Variants in VWF observed in about 807,000 individuals in gnomAD.
VWF encodes Factor VIII related antigen.
VWF carries 176 observed loss-of-function variants against 308.6 expected under a neutral mutation model. The observed-to-expected ratio is 0.57, with a 90% CI of 0.50 to 0.65. The LOEUF is 0.65. VWF is among the 30% of genes least tolerant of loss of function. The pLI is 0.00. For missense variants in VWF, 3,146 were observed against 3,648.2 expected (o/e 0.86, Z 3.55); for synonymous variants, 1,385 against 1,443.4 (o/e 0.96, Z 0.92).
At chr12:6,055,418 C>A (rs56201947) in intron 15 of VWF, among the ~76,000 whole-genome samples, 14,044 of 152,154 alleles carry the variant, frequency 0.092, 1,824 homozygotes, top group African/African-American at 0.3. Context: ...GTTCAAGGTC[C>A]CATAACTGGT....
chr12:6,059,957 C>T (rs1450156934), intron 13 of VWF, among the ~76,000 whole-genome samples: 2 of 152,182 alleles, frequency 1.3e-5, no homozygotes, highest in East Asian at 3.9e-4. Flanking sequence ...CATCTTTTCT[C>T]TCTCCTTTCT....
In VWF at chr12:6,018,405, G is replaced by A. The variant is rs561897849; in HGVS notation, c.5013C>T (p.Ser1671=). 16 of 1,612,458 alleles carry A rather than the reference G, an allele frequency of 9.9e-6. No individual in the cohort carries two copies. The highest frequency in any genetic ancestry group is 1.8e-4 in the Middle Eastern group (1 of 5,622). The change falls in exon 28 of 52, where the codon TCC becomes TCT. Residue 1671 remains serine (S), a synonymous_variant. Transcript: ENST00000261405. ...GGGTGGGGATCTGCAGCCCCTCTCC[G>A]GAGCAGCACCTCTGCAGCACCAGGT... The part of the protein sequence containing the change: ...APDLVLQRCC[S]GEGLQIPTLS...
chr12:5,997,113 A>T (rs1469586809), intron 34 of VWF, among the ~76,000 whole-genome samples: 1 of 152,076 alleles, frequency 6.6e-6, no homozygotes, highest in Non-Finnish European at 1.5e-5. Flanking sequence ...ACCTCTCCCT[A>T]TGGGGGTTAC....
intron 5 of VWF, among the ~76,000 whole-genome samples, chr12:6,097,411 T>G (rs1945117000): frequency 6.6e-6 from 1 of 152,072 alleles, no homozygotes; most frequent in African/African-American, 2.4e-5. Flanking sequence ...CACTCCAGCC[T>G]GGTGACAGAG....
At chr12:5,989,268 G>A (rs1283282557) in intron 38 of VWF, among the ~76,000 whole-genome samples, 2 of 152,064 alleles carry the variant, frequency 1.3e-5, no homozygotes, top group Non-Finnish European at 2.9e-5. Flanking sequence ...ATGAAAACTA[G>A]TGAATATTTT....
Position 6,015,415 on chromosome 12 carries a change from A to G in VWF, c.5455+674T>C, listed in dbSNP as rs571569883. Among the ~76,000 whole-genome samples the G allele has an allele frequency of 2.4e-4, 37 of 152,134 alleles. 1 individual carries two copies. In the East Asian group the frequency reaches 6.4e-3, roughly 26 times the overall value. On this transcript the variant is annotated intron_variant, in intron 31 of 51. Coordinates refer to ENST00000261405, the MANE Select transcript of VWF (RefSeq NM_000552.5). Reference sequence around the variant, plus strand: ...AGCAGAGAAAAGACAGGGTTCTGACAGCACTCCTAGGCAGGGTTCTGAAAG... The same window carrying G: ...AGCAGAGAAAAGACAGGGTTCTGACGGCACTCCTAGGCAGGGTTCTGAAAG...
In VWF at chr12:6,020,910, C is replaced by T. The variant is rs1944122748; in HGVS notation, c.3674+990G>A. Among the ~76,000 whole-genome samples, 1 of 152,248 alleles carries T rather than the reference C, an allele frequency of 6.6e-6. No homozygotes were observed. Among genetic ancestry groups the T allele is most frequent in the South Asian group, 2.1e-4 (1 of 4,830 alleles). ...GGGGAGAGGGCTCGAAGCTCTCATGCCCTTTTGGCACAGAACCCCAAGCCA... is the reference window on the plus strand; with the variant it reads ...GGGGAGAGGGCTCGAAGCTCTCATGTCCTTTTGGCACAGAACCCCAAGCCA... On this transcript the variant is annotated intron_variant, in intron 27 of 51. Transcript: ENST00000261405. This position sits in a 1 kb window ranked among gnomAD's most constrained non-coding sequence, Gnocchi z 4.3.
rs147913451 is a variant in VWF, at chr12:6,063,035, A to T, written c.1452T>A (p.His484Gln). Residue 484 changes from histidine (H) to glutamine (Q), a missense_variant, in exon 13 of 52, where the codon CAT becomes CAA. His to Gln is a conservative substitution (Grantham distance 24). Transcript: ENST00000261405. The surrounding 1 kb of genome is among the most constrained non-coding windows in gnomAD (Gnocchi z 4.9). ...TGAGGCGCACGGAGGCCGTCACTGT[A>T]TGCTGGATGCGGAGGTCACCTGGAA... ...PLLKGDLRIQHTVTASVRLSY... is the reference protein window; with the variant it reads ...PLLKGDLRIQQTVTASVRLSY... The T allele has an allele frequency of 1.2e-6, 2 of 1,613,582 alleles. No homozygotes were observed. The highest frequency in any genetic ancestry group is 2.7e-5 in the African/African-American group (2 of 74,918).
In VWF at chr12:5,951,706, G is replaced by A. The variant is rs183217819; in HGVS notation, c.8155+138C>T. Reference sequence around the variant, plus strand: ...AACATAATGACTGACCAGTGGTCACGAAATATCTTTCTGAAATAAAGCTTA... The same window carrying A: ...AACATAATGACTGACCAGTGGTCACAAAATATCTTTCTGAAATAAAGCTTA... On this transcript the variant is annotated intron_variant, in intron 50 of 51. Coordinates refer to ENST00000261405, the MANE Select transcript of VWF (RefSeq NM_000552.5). The A allele has an allele frequency of 5.1e-5, 52 of 1,011,814 alleles. No individual in the cohort carries two copies. In the African/African-American group the frequency reaches 5.8e-4, roughly 11 times the overall value. 62.7% of individuals were successfully genotyped at this position (1,011,814 alleles called of 1,614,324 possible). A position where few individuals can be genotyped will look rare whatever the true frequency, so the allele number is the denominator to read the frequency against.
intron 13 of VWF, among the ~76,000 whole-genome samples, chr12:6,059,633 T>C (rs1398101839): frequency 2.0e-5 from 3 of 152,222 alleles, no homozygotes; most frequent in Non-Finnish European, 4.4e-5. Flanking sequence ...GCAAGCTCTC[T>C]GAGGTCTTTT....
In VWF at chr12:5,971,695, A is replaced by C. The variant is rs773426144; in HGVS notation, c.7452T>G (p.Val2484=). 6.2e-7 allele frequency: 1 copy of C among 1,614,194 alleles called. No individual in the cohort carries two copies. Among genetic ancestry groups the C allele is most frequent in the Non-Finnish European group, 8.5e-7 (1 of 1,180,034 alleles). ...EDSCRSGFTY[V]LHEGECCGRC... ...TTCCACAGCACTCGCCTTCATGCAG[A>C]ACGTAAGTGAAGCCCTGGAAAAGCA... is the stretch of plus-strand genomic sequence containing the variant. The change falls in exon 44 of 52, where the codon GTT becomes GTG. Residue 2484 remains valine, a synonymous_variant. Transcript: ENST00000261405.
rs375398751 is a variant in VWF at position 6,019,551 on chromosome 12, G to A, written c.3867C>T (p.Ser1289=). The change falls in exon 28 of 52, where the codon TCC becomes TCT. Residue 1289 remains serine (S), a synonymous_variant. Coordinates refer to ENST00000261405, the MANE Select transcript of VWF (RefSeq NM_000552.5). The surrounding 1 kb of genome is among the most constrained non-coding windows in gnomAD (Gnocchi z 5.8). ...VFLLDGSSRL[S]EAEFEVLKAF... ...CCTTCAGCACTTCAAACTCAGCCTC[G>A]GACAGCCTGGAGGAGCCATCCAGCA... is the stretch of plus-strand genomic sequence containing the variant. The A allele has an allele frequency of 3.5e-5, 57 of 1,613,816 alleles. No homozygotes were observed. Among genetic ancestry groups the A allele is most frequent in the Non-Finnish European group, 4.3e-5 (51 of 1,179,874 alleles).
intron 6 of VWF, chr12:6,095,243 T>C: frequency 1.5e-6 from 1 of 652,876 alleles, no homozygotes; most frequent in East Asian, 2.9e-5. Context: ...ACAAATGGAC[T>C]GAGACACTAC....
chr12:5,951,750 C>A (rs1405392298), intron 50 of VWF, 94 bp downstream of exon 50: 2 of 1,334,830 alleles, frequency 1.5e-6, no homozygotes, highest in Non-Finnish European at 2.2e-6. Flanking sequence ...AACAGTCATG[C>A]GGCTTGCTAA....
chr12:5,961,094 A>T (rs982688329), intron 47 of VWF, among the ~76,000 whole-genome samples: 12 of 152,198 alleles, frequency 7.9e-5, no homozygotes, highest in African/African-American at 2.9e-4. Flanking sequence ...TGGGAATCTA[A>T]TGCCTGATGA....
Position 5,955,454 on chromosome 12 carries a change from G to A in VWF, c.7888-1860C>T, listed in dbSNP as rs189194359. On this transcript the variant is annotated intron_variant, in intron 47 of 51. Coordinates refer to ENST00000261405, the MANE Select transcript of VWF (RefSeq NM_000552.5). ...CATTGTTCAATTCCCATCTATGAGT[G>A]AGAACATGCGGTGTTTGGTTTTTTG... Among the ~76,000 whole-genome samples the A allele has an allele frequency of 1.3e-3, 201 of 151,560 alleles. 1 individual carries two copies. The highest frequency in any genetic ancestry group is 2.4e-3 in the Non-Finnish European group (162 of 67,970).
chr12:5,994,114 C>T lies in VWF; in HGVS notation c.6346G>A (p.Val2116Met). Residue 2116 changes from valine to methionine, a missense_variant, in exon 37 of 52, where the codon GTG becomes ATG. Val to Met is a conservative substitution (Grantham distance 21). This residue lies in a region of VWF where 989 missense variants were observed against 1,117.4 expected (regional missense o/e 0.89). Transcript: ENST00000261405. The part of the protein sequence containing the change: ...DWKTLVQEWT[V>M]QRPGQTCQPI... ...TGGCACGTCTGCCCTGGCCGCTGCA[C>T]AGTCCATTCCTGAACAAGTGTTTTC... 1.2e-6 allele frequency: 2 copies of T among 1,614,240 alleles called. No homozygotes were observed. The highest frequency in any genetic ancestry group is 1.7e-6 in the Non-Finnish European group (2 of 1,180,044).
chr12:6,108,691 A>G (rs1039337455), intron 5 of VWF, among the ~76,000 whole-genome samples: 3 of 152,110 alleles, frequency 2.0e-5, no homozygotes, highest in Admixed American at 1.3e-4. Context: ...GGTAACTTTA[A>G]AAACTTCAGG....
intron 47 of VWF, among the ~76,000 whole-genome samples, chr12:5,958,782 C>CAAGCA (rs1943278813): frequency 6.6e-6 from 1 of 152,168 alleles, no homozygotes; most frequent in Non-Finnish European, 1.5e-5. Context: ...TTTGATCCCT[C>CAAGCA]TGCTTGGATA....
Sources: gnomAD v4.1 joint callset for allele counts (sites outside exome capture counted in the v4.1 genomes callset) on GRCh38, gnomAD v4.1.1 for gene constraint, gnomAD v4.1.1 regional missense constraint, Gnocchi (gnomAD v3.1) non-coding constraint, MANE v1.5 for transcripts, NCBI Gene and HGNC (gene_info 2026-07-23, HGNC 2026-07-21) for gene names.